The following CACNG2 variants were observed in gnomAD, a reference collection of about 807,000 sequenced individuals.
The protein encoded by CACNG2 is calcium voltage-gated channel auxiliary subunit gamma 2.
In CACNG2, 3 loss-of-function variants were observed where a neutral mutation model predicts 25.9. That is an observed-to-expected ratio of 0.12 (90% CI 0.05 to 0.30). The LOEUF (loss-of-function observed/expected upper bound fraction) is 0.30, where lower values mean the gene tolerates loss of function less well. Ranked by LOEUF, CACNG2 falls within the 10% of genes least tolerant of loss-of-function variation. The pLI is 1.00. For missense variants in CACNG2, 341 were observed against 432.5 expected (o/e 0.79, Z 1.88); for synonymous variants, 167 against 173.3 (o/e 0.96, Z 0.29).
At chr22:36,643,723 G>C (rs890743020) in intron 1 of CACNG2, among the ~76,000 whole-genome samples, 1 of 152,180 alleles carries the variant, frequency 6.6e-6, no homozygotes, top group African/African-American at 2.4e-5. Context: ...GAGAGGGAAC[G>C]TATGTCAGTT....
chr22:36,648,122 C>G (rs1169975028), intron 1 of CACNG2, among the ~76,000 whole-genome samples: 1 of 152,174 alleles, frequency 6.6e-6, no homozygotes, highest in Non-Finnish European at 1.5e-5. Flanking sequence ...AAGGTGCACA[C>G]CAGCCAGTTA....
At chr22:36,579,555 C>T (rs1469312568) in intron 2 of CACNG2, among the ~76,000 whole-genome samples, 1 of 152,112 alleles carries the variant, frequency 6.6e-6, no homozygotes, top group African/African-American at 2.4e-5. Context: ...TGGTCTCCCT[C>T]TCCTGCAGAA....
At chr22:36,581,321 T>C (rs577226982) in intron 2 of CACNG2, among the ~76,000 whole-genome samples, 66 of 152,180 alleles carry the variant, frequency 4.3e-4, no homozygotes, top group Admixed American at 5.9e-4. Flanking sequence ...ACTCCTCAGT[T>C]ACTCATAGGC....
chr22:36,603,476 A>G (rs1935784123), intron 1 of CACNG2, among the ~76,000 whole-genome samples: 1 of 152,252 alleles, frequency 6.6e-6, no homozygotes, highest in Admixed American at 6.5e-5. Context: ...TTCAAGGTAG[A>G]TGCAACAGCT....
Position 36,703,238 on chromosome 22 carries a change from A to AGCGGCG in CACNG2, c.-668_-663dup, listed in dbSNP as rs538190446. ...TCGCTTTCCATGGTTTTGCCCGGGC[A>AGCGGCG]GCGGCGGCGGCGGCGGCGGCGGCGG... On this transcript the variant is annotated 5_prime_UTR_variant, in exon 1 of 4. Transcript: ENST00000300105. The AGCGGCG allele has an allele frequency of 0.32, 48,796 of 154,036 alleles. 7,967 individuals carry two copies. Among genetic ancestry groups the AGCGGCG allele is most frequent in the East Asian group, 0.43 (2,242 of 5,230 alleles). 9.5% of individuals were successfully genotyped at this position (154,036 alleles called of 1,614,324 possible).
intron 1 of CACNG2, among the ~76,000 whole-genome samples, chr22:36,646,229 G>A (rs946740084): frequency 5.3e-5 from 8 of 151,914 alleles, no homozygotes; most frequent in Non-Finnish European, 1.2e-4. Context: ...GGGTATTGTT[G>A]AGCATTAGCC....
chr22:36,675,605 T>C (rs1937010018), intron 1 of CACNG2, among the ~76,000 whole-genome samples: 1 of 152,248 alleles, frequency 6.6e-6, no homozygotes, highest in South Asian at 2.1e-4. Context: ...CCTGCTGGGC[T>C]ATGTTAAATT....
At chr22:36,604,631 C>A (rs890595975) in intron 1 of CACNG2, among the ~76,000 whole-genome samples, 1 of 152,146 alleles carries the variant, frequency 6.6e-6, no homozygotes, top group Non-Finnish European at 1.5e-5. Context: ...CGAGGCAAGA[C>A]CCTCCATCAG....
At chr22:36,673,008 T>C (rs1936973445) in intron 1 of CACNG2, among the ~76,000 whole-genome samples, 1 of 152,210 alleles carries the variant, frequency 6.6e-6, no homozygotes, top group Non-Finnish European at 1.5e-5. Flanking sequence ...AGTGGATTGC[T>C]TGAGTCCAGG....
At chr22:36,702,248 G>A (rs1937419245) in intron 1 of CACNG2, 118 bp downstream of exon 1, 2 of 694,098 alleles carry the variant, frequency 2.9e-6, no homozygotes, top group East Asian at 5.5e-5. Flanking sequence ...GGTGGTGGAA[G>A]GAGTGAACTA....
At chr22:36,685,829 T>C (rs1191720915) in intron 1 of CACNG2, among the ~76,000 whole-genome samples, 2 of 152,232 alleles carry the variant, frequency 1.3e-5, no homozygotes, top group Admixed American at 6.5e-5. Flanking sequence ...CCTTTCTCCT[T>C]TTCTTATTTT....
At chr22:36,693,967 A>C (rs1279821954) in intron 1 of CACNG2, among the ~76,000 whole-genome samples, 1 of 152,206 alleles carries the variant, frequency 6.6e-6, no homozygotes, top group African/African-American at 2.4e-5. Flanking sequence ...TCTATCCTAG[A>C]GTCCCACACA....
intron 1 of CACNG2, among the ~76,000 whole-genome samples, chr22:36,651,653 T>C (rs925682875): frequency 6.6e-6 from 1 of 151,922 alleles, no homozygotes; most frequent in African/African-American, 2.4e-5. Flanking sequence ...CTCTCCCCAC[T>C]AGAAAGTGAG....
intron 2 of CACNG2, among the ~76,000 whole-genome samples, chr22:36,574,909 G>A (rs539011806): frequency 2.6e-5 from 4 of 152,338 alleles, no homozygotes; most frequent in African/African-American, 9.6e-5. Context: ...GTAGAGTGTG[G>A]GTGGGGCAGT....
chr22:36,635,579 T>A (rs1468731133), intron 1 of CACNG2, among the ~76,000 whole-genome samples: 5 of 152,040 alleles, frequency 3.3e-5, no homozygotes, highest in African/African-American at 1.2e-4. Context: ...CCCGAAGAAA[T>A]CCCAGGAAAC....
rs546787278 is a variant in CACNG2 at position 36,700,982 on chromosome 22, C to T, written c.211+1384G>A. On this transcript the variant is annotated intron_variant, in intron 1 of 3. Transcript: ENST00000300105. ...GCTCTTTCCCAGATGTAATCATTTC[C>T]GAAAGTGTGGCTTTTGCTCAGTTTG... Among the ~76,000 whole-genome samples the T allele has an allele frequency of 8.0e-4, 122 of 152,202 alleles. 4 individuals are homozygous for T. The South Asian group carries it at 0.024, about 30-fold the overall frequency.
At chr22:36,639,274 T>A (rs1936405752) in intron 1 of CACNG2, among the ~76,000 whole-genome samples, 1 of 152,134 alleles carries the variant, frequency 6.6e-6, no homozygotes, top group African/African-American at 2.4e-5. Context: ...AATAAAGAGA[T>A]CTTGTTGTTG....
chr22:36,604,681 A>T (rs1296051093), intron 1 of CACNG2, among the ~76,000 whole-genome samples: 1 of 152,244 alleles, frequency 6.6e-6, no homozygotes, highest in Non-Finnish European at 1.5e-5. Flanking sequence ...GATGGTCAGT[A>T]GCATTTTTAG....
intron 1 of CACNG2, among the ~76,000 whole-genome samples, chr22:36,620,717 C>A (rs759209542): frequency 6.6e-6 from 1 of 152,222 alleles, no homozygotes; most frequent in Non-Finnish European, 1.5e-5. Flanking sequence ...ACGTCAGACA[C>A]ACACATTAAA....
Sources: allele counts gnomAD v4.1 joint callset (sites outside exome capture counted in the v4.1 genomes callset), GRCh38; gene constraint gnomAD v4.1.1; transcripts MANE v1.5; gene names NCBI Gene and HGNC (gene_info 2026-07-23, HGNC 2026-07-21).